Variants in SUCLG2 observed in about 807,000 individuals in gnomAD.
The protein encoded by SUCLG2 is succinate-CoA ligase GDP-forming subunit beta.
In SUCLG2, 42 loss-of-function variants were observed where a neutral mutation model predicts 47.9. That is an observed-to-expected ratio of 0.88 (90% confidence interval 0.69 to 1.14). The LOEUF (loss-of-function observed/expected upper bound fraction) is 1.14. Among genes scored for constraint, SUCLG2 ranks in the 50% most tolerant of loss-of-function variants. The pLI is 0.00. For synonymous variants in SUCLG2, 195 were observed against 197.3 expected (o/e 0.99, Z 0.10); for missense variants, 571 against 525.9 (o/e 1.09, Z -0.84).
At chr3:67,439,461 A>C (rs1043783571) in intron 9 of SUCLG2, among the ~76,000 whole-genome samples, 8 of 152,208 alleles carry the variant, frequency 5.3e-5, no homozygotes, top group Admixed American at 2.0e-4. Flanking sequence ...TTTGCATATG[A>C]CATGATTGTA....
At chr3:67,618,265 CAAA>C (rs1026885971) in intron 1 of SUCLG2, among the ~76,000 whole-genome samples, 11 of 152,020 alleles carry the variant, frequency 7.2e-5, no homozygotes, top group African/African-American at 2.7e-4. Context: ...ACTAAGAATA[CAAA>C]AATTAGCTGG....
chr3:67,437,361 C>A (rs1210601865), intron 9 of SUCLG2, among the ~76,000 whole-genome samples: 2 of 152,170 alleles, frequency 1.3e-5, no homozygotes, highest in Non-Finnish European at 2.9e-5. Flanking sequence ...TGTTAAACAT[C>A]TTCTGGCATC....
chr3:67,362,804 G>C (rs1701823217), intron 10 of SUCLG2, among the ~76,000 whole-genome samples: 1 of 152,162 alleles, frequency 6.6e-6, no homozygotes, highest in Non-Finnish European at 1.5e-5. Flanking sequence ...AGATACCTGA[G>C]AGGTACACAA....
intron 1 of SUCLG2, among the ~76,000 whole-genome samples, chr3:67,637,276 G>C (rs2089364446): frequency 6.6e-6 from 1 of 152,194 alleles, no homozygotes; most frequent in Admixed American, 6.5e-5. Context: ...TAAGCCCACA[G>C]TATATGAACT....
intron 9 of SUCLG2, among the ~76,000 whole-genome samples, chr3:67,470,169 G>A (rs1704569997): frequency 6.6e-6 from 1 of 151,986 alleles, no homozygotes; most frequent in South Asian, 2.1e-4. Context: ...GGAATAGAAT[G>A]TAACTAACTT....
chr3:67,651,840 C>T (rs1701291090), intron 1 of SUCLG2, among the ~76,000 whole-genome samples: 1 of 152,160 alleles, frequency 6.6e-6, no homozygotes, highest in Admixed American at 6.5e-5. Context: ...TCTAAACTAC[C>T]CTGCTGTGAA....
At chr3:67,611,404 A>C (rs937052554) in intron 1 of SUCLG2, among the ~76,000 whole-genome samples, 5 of 152,234 alleles carry the variant, frequency 3.3e-5, no homozygotes, top group African/African-American at 9.6e-5. Context: ...GTCTTGATGA[A>C]ACATTAGTAA....
chr3:67,447,271 A>G lies in SUCLG2; in HGVS notation c.1063-46420T>C, dbSNP rs1703949142. 1.3e-5 allele frequency among the ~76,000 whole-genome samples: 2 copies of G among 152,252 alleles called. 1 individual carries two copies. The highest frequency in any genetic ancestry group is 4.1e-4 in the South Asian group (2 of 4,836). On this transcript the variant is annotated intron_variant, in intron 9 of 10. Coordinates refer to ENST00000307227, the MANE Select transcript of SUCLG2 (RefSeq NM_003848.4). ...ACTATAATTAAATACAAAATTGACT[A>G]TAAAGTTGAACCCCAACAATGAGAG...
At chr3:67,492,240 G>C (rs1304712472) in intron 9 of SUCLG2, among the ~76,000 whole-genome samples, 1 of 152,134 alleles carries the variant, frequency 6.6e-6, no homozygotes, top group East Asian at 1.9e-4. Flanking sequence ...ACAGAGTTGG[G>C]GTCATGGAGA....
chr3:67,407,124 C>T (rs1702830992), intron 9 of SUCLG2, among the ~76,000 whole-genome samples: 1 of 152,148 alleles, frequency 6.6e-6, no homozygotes, highest in Non-Finnish European at 1.5e-5. Context: ...CAATCATAGA[C>T]AAACAATATA....
intron 9 of SUCLG2, among the ~76,000 whole-genome samples, chr3:67,483,000 G>C (rs188103536): frequency 2.6e-5 from 4 of 152,126 alleles, no homozygotes; most frequent in Non-Finnish European, 5.9e-5. Flanking sequence ...AGATAAGCTG[G>C]AAGAAAAATA....
chr3:67,363,458 T>G, intron 10 of SUCLG2, among the ~76,000 whole-genome samples: 1 of 152,200 alleles, frequency 6.6e-6, no homozygotes, highest in East Asian at 1.9e-4. Flanking sequence ...TTTCAGAAGA[T>G]AATCAGAGAA....
At chr3:67,378,321 C>T (rs1029766028) in intron 10 of SUCLG2, among the ~76,000 whole-genome samples, 1 of 152,176 alleles carries the variant, frequency 6.6e-6, no homozygotes, top group Non-Finnish European at 1.5e-5. Context: ...ACTTCTGAGA[C>T]TAGGTTACAA....
intron 1 of SUCLG2, among the ~76,000 whole-genome samples, chr3:67,614,018 T>C (rs922886313): frequency 2.0e-5 from 3 of 152,180 alleles, no homozygotes; most frequent in Admixed American, 6.5e-5. Context: ...TGAATAGGTG[T>C]TGTCCTAAGA....
intron 7 of SUCLG2, among the ~76,000 whole-genome samples, chr3:67,502,458 A>AT (rs1353366296): frequency 2.0e-5 from 3 of 152,224 alleles, no homozygotes; most frequent in Non-Finnish European, 4.4e-5. Flanking sequence ...CCTTAAGCAC[A>AT]TTAACCTCTC....
rs530080350 is a variant in SUCLG2, at chr3:67,609,348, T to C, written c.226+107A>G. The C allele has an allele frequency of 8.9e-4, 1,177 of 1,326,128 alleles. 8 individuals are homozygous for C. The highest frequency in any genetic ancestry group is 3.6e-3 in the Middle Eastern group (13 of 3,650). The allele number at this position is 1,326,128 out of a possible 1,614,324, so 82.1% of individuals were successfully genotyped here. Reference sequence around the variant, plus strand: ...AGTTCTAAGCTCTCCCCTGTATCTGTCCCTGTCAGTTTAATCCACAACAAA... The same window carrying C: ...AGTTCTAAGCTCTCCCCTGTATCTGCCCCTGTCAGTTTAATCCACAACAAA... On this transcript the variant is annotated intron_variant, in intron 2 of 10. Transcript: ENST00000307227.
intron 7 of SUCLG2, among the ~76,000 whole-genome samples, chr3:67,503,856 T>TGTTTTGTTTAGTGGC (rs1295398932): frequency 1.3e-5 from 2 of 152,232 alleles, no homozygotes; most frequent in African/African-American, 4.8e-5. Context: ...CGTGAGATTC[T>TGTTTTGTTTAGTGGC]GTGAGCTGCT....
intron 7 of SUCLG2, among the ~76,000 whole-genome samples, chr3:67,502,391 T>A (rs549622210): frequency 6.6e-6 from 1 of 152,222 alleles, no homozygotes; most frequent in African/African-American, 2.4e-5. Flanking sequence ...TAATATAGAC[T>A]GGCATCAAAA....
chr3:67,636,885 CA>C (rs1701020455), intron 1 of SUCLG2, among the ~76,000 whole-genome samples: 1 of 151,346 alleles, frequency 6.6e-6, no homozygotes, highest in African/African-American at 2.4e-5. Flanking sequence ...AGACCCAAAA[CA>C]GACAACATCC....
Sources: gnomAD v4.1 joint callset for allele counts (sites outside exome capture counted in the v4.1 genomes callset) on GRCh38, gnomAD v4.1.1 for gene constraint, MANE v1.5 for transcripts, NCBI Gene and HGNC (gene_info 2026-07-23, HGNC 2026-07-21) for gene names.